MALRD1: variants seen among roughly 807,000 people sequenced by gnomAD.
MALRD1 encodes the protein MAM and LDL-receptor class A domain-containing protein 1.
Under a neutral mutation model 242.1 loss-of-function variants are expected in MALRD1, and 247 were observed. The ratio of observed to expected loss-of-function variants is 1.02; its 90% CI spans 0.92 to 1.13. The LOEUF (loss-of-function observed/expected upper bound fraction) is 1.13, where lower values mean the gene tolerates loss of function less well. Among genes scored for constraint, MALRD1 ranks in the 50% most tolerant of loss-of-function variants. The pLI is 0.00. For synonymous variants in MALRD1, 995 were observed against 866.6 expected (o/e 1.15, Z -2.60); for missense variants, 2,989 against 2,533.1 (o/e 1.18, Z -3.86).
intron 26 of MALRD1, among the ~76,000 whole-genome samples, chr10:19,369,789 TA>T (rs1281890412): frequency 1.3e-5 from 2 of 151,622 alleles, no homozygotes; most frequent in African/African-American, 2.4e-5. Flanking sequence ...GAGTTATAGA[TA>T]TTTTTTATAT....
intron 13 of MALRD1, among the ~76,000 whole-genome samples, chr10:19,166,607 T>C (rs1834696777): frequency 6.6e-6 from 1 of 152,054 alleles, no homozygotes; most frequent in African/African-American, 2.4e-5. Flanking sequence ...AAATGAGAAG[T>C]GTGTGAGGAG....
chr10:19,550,463 T>G (rs746792992), intron 32 of MALRD1, among the ~76,000 whole-genome samples: 39 of 152,096 alleles, frequency 2.6e-4, no homozygotes, highest in Non-Finnish European at 5.1e-4. Context: ...TAGTACCAAT[T>G]AATTATTTTT....
chr10:19,231,940 G>A (rs1838098593), intron 18 of MALRD1, among the ~76,000 whole-genome samples: 1 of 151,656 alleles, frequency 6.6e-6, no homozygotes, highest in African/African-American at 2.4e-5. Flanking sequence ...TTTTATACAT[G>A]TCAGGTACTG....
chr10:19,066,981 G>A (rs1590381224), intron 2 of MALRD1, 122 bp downstream of exon 2: 2 of 666,146 alleles, frequency 3.0e-6, no homozygotes, highest in East Asian at 6.9e-5. Flanking sequence ...TTTAATTAGG[G>A]AAGCAGAATC....
chr10:19,556,288 G>A lies in MALRD1; in HGVS notation c.5479-11214G>A, dbSNP rs567952167. 2.6e-5 allele frequency among the ~76,000 whole-genome samples: 4 copies of A among 152,160 alleles called. No homozygotes were observed. In the East Asian group the frequency reaches 7.7e-4, roughly 29 times the overall value. On this transcript the variant is annotated intron_variant, in intron 32 of 39. Coordinates refer to ENST00000454679, the MANE Select transcript of MALRD1 (RefSeq NM_001142308.3). The stretch of plus-strand genomic sequence containing the variant: ...TTACAATTGATGAGCCAATATGGAG[G>A]CATTATCATTAAAGTTTATAGTTTA...
chr10:19,488,337 C>T (rs915478620), intron 29 of MALRD1, among the ~76,000 whole-genome samples: 3 of 152,122 alleles, frequency 2.0e-5, no homozygotes, highest in Non-Finnish European at 4.4e-5. Flanking sequence ...ATAAGAACTT[C>T]TGGTTCTAAG....
At chr10:19,520,602 A>T (rs1833834220) in intron 31 of MALRD1, among the ~76,000 whole-genome samples, 1 of 152,234 alleles carries the variant, frequency 6.6e-6, no homozygotes, top group African/African-American at 2.4e-5. Context: ...GTGAAAAGGA[A>T]TAAATGATAG....
At chr10:19,141,032 C>T (rs1247437098) in intron 10 of MALRD1, among the ~76,000 whole-genome samples, 1 of 152,152 alleles carries the variant, frequency 6.6e-6, no homozygotes, top group Non-Finnish European at 1.5e-5. Context: ...TATATCAAAA[C>T]ATTACATTGC....
At chr10:19,333,618 G>A (rs1256470139) in intron 24 of MALRD1, among the ~76,000 whole-genome samples, 1 of 152,086 alleles carries the variant, frequency 6.6e-6, no homozygotes. Flanking sequence ...AGGAATGCGT[G>A]TATCTTTTTG....
intron 30 of MALRD1, among the ~76,000 whole-genome samples, chr10:19,495,572 A>G (rs77019500): frequency 1.3e-5 from 2 of 152,178 alleles, no homozygotes; most frequent in Non-Finnish European, 2.9e-5. Flanking sequence ...ATTATCAGCA[A>G]ACCTGCCTTA....
intron 29 of MALRD1, among the ~76,000 whole-genome samples, chr10:19,479,836 T>A (rs2131172629): frequency 6.6e-6 from 1 of 152,302 alleles, no homozygotes; most frequent in African/African-American, 2.4e-5. Flanking sequence ...CCACTGATCA[T>A]GACTTTTCCA....
At chr10:19,060,298 T>C (rs1162571329) in intron 1 of MALRD1, among the ~76,000 whole-genome samples, 1 of 152,220 alleles carries the variant, frequency 6.6e-6, no homozygotes, top group East Asian at 1.9e-4. Context: ...TGCCGGTGTT[T>C]CTTTGAAGGC....
At chr10:19,076,670 C>T (rs1225401460) in intron 2 of MALRD1, among the ~76,000 whole-genome samples, 1 of 152,000 alleles carries the variant, frequency 6.6e-6, no homozygotes, top group Non-Finnish European at 1.5e-5. Context: ...ACCACACTAT[C>T]TTCTTGATTA....
intron 5 of MALRD1, among the ~76,000 whole-genome samples, chr10:19,106,755 G>A (rs1279759081): frequency 2.0e-5 from 3 of 151,782 alleles, no homozygotes; most frequent in African/African-American, 7.3e-5. Context: ...ATATTTTGAT[G>A]TAAGCATTTA....
At chr10:19,414,758 C>T (rs1343899476) in intron 28 of MALRD1, among the ~76,000 whole-genome samples, 1 of 152,030 alleles carries the variant, frequency 6.6e-6, no homozygotes, top group Non-Finnish European at 1.5e-5. Context: ...CACTGATTCC[C>T]CCAAGAACTC....
intron 18 of MALRD1, among the ~76,000 whole-genome samples, chr10:19,241,375 A>T (rs1174261533): frequency 2.0e-5 from 3 of 152,068 alleles, no homozygotes; most frequent in Non-Finnish European, 4.4e-5. Context: ...AGTTACGAGT[A>T]ATGTCTTACA....
At chr10:19,530,827 C>T (rs1036206361) in intron 31 of MALRD1, among the ~76,000 whole-genome samples, 1 of 152,070 alleles carries the variant, frequency 6.6e-6, no homozygotes, top group African/African-American at 2.4e-5. Context: ...AGATACAATA[C>T]CAGTCAGTCC....
chr10:19,086,221 G>A (rs1208275688), intron 2 of MALRD1, among the ~76,000 whole-genome samples: 1 of 152,126 alleles, frequency 6.6e-6, no homozygotes, highest in African/African-American at 2.4e-5. Flanking sequence ...AATAGGAGTA[G>A]GGAAGAGAGG....
chr10:19,487,763 C>T (rs1465259900), intron 29 of MALRD1, among the ~76,000 whole-genome samples: 1 of 152,212 alleles, frequency 6.6e-6, no homozygotes, highest in East Asian at 1.9e-4. Context: ...TAAATATGAC[C>T]TTTAAGTCTT....
Sources: allele counts gnomAD v4.1 joint callset (sites outside exome capture counted in the v4.1 genomes callset), GRCh38; gene constraint gnomAD v4.1.1; transcripts MANE v1.5; gene names NCBI Gene and HGNC (gene_info 2026-07-23, HGNC 2026-07-21).